Variants in ZNF555 observed in about 807,000 individuals in gnomAD.
ZNF555 encodes the protein zinc finger protein 555.
Under a neutral mutation model 14.0 loss-of-function variants are expected in ZNF555, and 10 were observed. The ratio of observed to expected loss-of-function variants is 0.72; its 90% confidence interval spans 0.44 to 1.21. ZNF555 has a LOEUF of 1.21. ZNF555 is among the 50% of genes most tolerant of loss of function. The probability of loss-of-function intolerance (pLI) is 0.00; values close to 1 mark genes in which losing one functional copy is unlikely to be tolerated. For synonymous variants in ZNF555, 277 were observed against 262.4 expected (o/e 1.06, Z -0.54); for missense variants, 747 against 762.0 (o/e 0.98, Z 0.23).
intron 1 of ZNF555, among the ~76,000 whole-genome samples, chr19:2,848,463 T>A (rs2087601358): frequency 6.6e-6 from 1 of 151,732 alleles, no homozygotes; most frequent in Non-Finnish European, 1.5e-5. Context: ...CCCAGGATTT[T>A]TTTTAGATGA....
chr19:2,851,424 T>C, intron 2 of ZNF555, 44 bp from the exon 3 acceptor site: 2 of 1,507,366 alleles, frequency 1.3e-6, no homozygotes. Flanking sequence ...CGTTTTCCGC[T>C]AACAAGTGCC....
rs1426924709 is a variant in ZNF555, at chr19:2,854,940, A to AGATC, written c.*988_*989insGATC. ...TCTCCCGTTCTGTAGATCTTAACAT[A>AGATC]TTTGCATGGGGTCTAATTTATATAG... is the stretch of plus-strand genomic sequence containing the variant. On this transcript the variant is annotated 3_prime_UTR_variant, in exon 4 of 4. Transcript: ENST00000334241. 1.3e-5 allele frequency: 2 copies of AGATC among 152,106 alleles called. No individual in the cohort carries two copies. Among genetic ancestry groups the AGATC allele is most frequent in the African/African-American group, 4.8e-5 (2 of 41,418 alleles). The allele number at this position is 152,106 out of a possible 1,614,324, so 9.4% of individuals were successfully genotyped here. A position where few individuals can be genotyped will look rare whatever the true frequency, so the allele number is the denominator to read the frequency against.
chr19:2,854,424 A>G lies in ZNF555; in HGVS notation c.*472A>G, dbSNP rs141862079. On this transcript the variant is annotated 3_prime_UTR_variant, in exon 4 of 4. Coordinates refer to ENST00000334241, the MANE Select transcript of ZNF555 (RefSeq NM_152791.5). Reference sequence around the variant, plus strand: ...CTTTGCTTGTGATTGTGAATTGGACAGTAGGCTTTGACTTGTGATGTGACG... The same window carrying G: ...CTTTGCTTGTGATTGTGAATTGGACGGTAGGCTTTGACTTGTGATGTGACG... 4.6e-3 allele frequency: 769 copies of G among 168,710 alleles called. 9 individuals are homozygous for G. Among genetic ancestry groups the G allele is most frequent in the African/African-American group, 0.018 (743 of 41,628 alleles). 10.5% of individuals were successfully genotyped at this position (168,710 alleles called of 1,614,324 possible). A position where few individuals can be genotyped will look rare whatever the true frequency, so the allele number is the denominator to read the frequency against.
intron 2 of ZNF555, 122 bp downstream of exon 2, chr19:2,850,835 T>TA: frequency 8.5e-7 from 1 of 1,183,414 alleles, no homozygotes; most frequent in South Asian, 1.4e-5. Flanking sequence ...AAGACAGACA[T>TA]AGTCACAGCT....
At chr19:2,841,601 C>A in intron 1 of ZNF555, 26 bp downstream of exon 1, 2 of 1,515,680 alleles carry the variant, frequency 1.3e-6, no homozygotes, top group Non-Finnish European at 1.8e-6. Context: ...GAGAGGATCC[C>A]GGTGCGGGGC....
chr19:2,854,065 G>T lies in ZNF555; in HGVS notation c.*113G>T. On this transcript the variant is annotated 3_prime_UTR_variant, in exon 4 of 4. Transcript: ENST00000334241. ...ACTCTCAGCTATCCTACATGAATTT[G>T]AACAGGTAGTTTCTTACGATTCAGT... 1 of 1,319,032 alleles carries T rather than the reference G, an allele frequency of 7.6e-7. No individual in the cohort carries two copies. The highest frequency in any genetic ancestry group is 1.4e-5 in the South Asian group (1 of 70,056). 81.7% of individuals were successfully genotyped at this position (1,319,032 alleles called of 1,614,324 possible). A position where few individuals can be genotyped will look rare whatever the true frequency, so the allele number is the denominator to read the frequency against.
In ZNF555 at chr19:2,852,583, A is replaced by T. The variant is rs2087640764; in HGVS notation, c.518A>T (p.Gln173Leu). Residue 173 changes from glutamine (Q) to leucine (L), a missense_variant, in exon 4 of 4, where the codon CAG (glutamine) becomes CTG (leucine). Gln to Leu is a moderately radical substitution (Grantham distance 113). Coordinates refer to ENST00000334241, the MANE Select transcript of ZNF555 (RefSeq NM_152791.5). ...GTTCACACTGGACACAAACCATATC[A>T]GTGCCAGGAATGTGGGCAGGCCTAC... is the stretch of plus-strand genomic sequence containing the variant. ...ITVHTGHKPY[Q>L]CQECGQAYSC... 2.5e-6 allele frequency: 4 copies of T among 1,614,188 alleles called. No homozygotes were observed. The African/African-American group carries it at 4.0e-5, about 16-fold the overall frequency.
Position 2,859,634 on chromosome 19 carries a change from T to C in ZNF555, c.*5682T>C, listed in dbSNP as rs1319061084. On this transcript the variant is annotated 3_prime_UTR_variant, in exon 4 of 4. Coordinates refer to ENST00000334241, the MANE Select transcript of ZNF555 (RefSeq NM_152791.5). The stretch of plus-strand genomic sequence containing the variant: ...AGGGGCTACAGCATCATCACTCTTG[T>C]CCTGTCGCAGACTCAGGCTCCCTGT... 6.6e-6 allele frequency: 1 copy of C among 152,282 alleles called. No individual in the cohort carries two copies. Among genetic ancestry groups the C allele is most frequent in the Non-Finnish European group, 1.5e-5 (1 of 68,112 alleles). The allele number at this position is 152,282 out of a possible 1,614,324, so 9.4% of individuals were successfully genotyped here. A position where few individuals can be genotyped will look rare whatever the true frequency, so the allele number is the denominator to read the frequency against.
rs939110601 is a variant in ZNF555, at chr19:2,860,113, C to G, written c.*6161C>G. On this transcript the variant is annotated 3_prime_UTR_variant, in exon 4 of 4. Coordinates refer to ENST00000334241, the MANE Select transcript of ZNF555 (RefSeq NM_152791.5). ...GATGGACTTAAGGGGTGCAGAGGGCCTGGACTATGTGTGTCTGTGGGATAG... is the reference window on the plus strand; with the variant it reads ...GATGGACTTAAGGGGTGCAGAGGGCGTGGACTATGTGTGTCTGTGGGATAG... 1 of 152,252 alleles carries G rather than the reference C, an allele frequency of 6.6e-6. No homozygotes were observed. Among genetic ancestry groups the G allele is most frequent in the African/African-American group, 2.4e-5 (1 of 41,452 alleles). The allele number at this position is 152,252 out of a possible 1,614,324, so 9.4% of individuals were successfully genotyped here.
intron 1 of ZNF555, among the ~76,000 whole-genome samples, chr19:2,843,160 TTC>T (rs2087552925): frequency 6.6e-6 from 1 of 152,202 alleles, no homozygotes; most frequent in Non-Finnish European, 1.5e-5. Context: ...ATCTGTTATT[TTC>T]TGTTTTCTTT....
Position 2,852,819 on chromosome 19 carries a change from G to A in ZNF555, c.754G>A (p.Gly252Arg), listed in dbSNP as rs202170795. 30 of 1,614,160 alleles carry A rather than the reference G, an allele frequency of 1.9e-5. No individual in the cohort carries two copies. Among genetic ancestry groups the A allele is most frequent in the South Asian group, 7.7e-5 (7 of 91,076 alleles). ...TACTAGTCATCTCAGAAGTCACACC[G>A]GAGAGAAGCCATATAAGTGTAAGGA... ...SLTSHLRSHT[G>R]EKPYKCKECG... is the part of the protein sequence containing the mutation. Residue 252 changes from glycine to arginine, a missense_variant, in exon 4 of 4, where the codon GGA (glycine) becomes AGA (arginine). By Grantham distance (125) the Gly-to-Arg change is moderately radical. Coordinates refer to ENST00000334241, the MANE Select transcript of ZNF555 (RefSeq NM_152791.5).
At position 2,853,170 on chromosome 19, in the gene ZNF555, G is replaced by A. The variant is rs190919658; in HGVS notation, c.1105G>A (p.Glu369Lys). 12 of 1,613,898 alleles carry A rather than the reference G, an allele frequency of 7.4e-6. No homozygotes were observed. The highest frequency in any genetic ancestry group is 2.2e-5 in the East Asian group (1 of 44,854). Residue 369 changes from glutamate to lysine, a missense_variant, in exon 4 of 4, where the codon GAA (glutamate) becomes AAA (lysine). Coordinates refer to ENST00000334241, the MANE Select transcript of ZNF555 (RefSeq NM_152791.5). ...GATTCACACTGGAGAGAAACCCTAC[G>A]AATGCAAACAGTGTGGGAAGACCTT... Reference protein sequence around the residue: ...ERIHTGEKPYECKQCGKTFIY... With the variant: ...ERIHTGEKPYKCKQCGKTFIY...
Position 2,849,260 on chromosome 19 carries a change from A to G in ZNF555, c.4-1327A>G, listed in dbSNP as rs144291776. Among the ~76,000 whole-genome samples, 237 of 152,198 alleles carry G rather than the reference A, an allele frequency of 1.6e-3. 2 individuals carry two copies. Among genetic ancestry groups the G allele is most frequent in the African/African-American group, 5.5e-3 (229 of 41,534 alleles). ...TCGGGGGTTCCATGCACCTGTGCCC[A>G]ATATGCAATATGGAAATAATGAGAA... On this transcript the variant is annotated intron_variant, in intron 1 of 3. Transcript: ENST00000334241.
intron 1 of ZNF555, among the ~76,000 whole-genome samples, chr19:2,845,867 A>G (rs1198854538): frequency 2.0e-5 from 3 of 152,168 alleles, no homozygotes; most frequent in East Asian, 1.9e-4. Flanking sequence ...CAGTAAGTCA[A>G]ACTTAGACCT....
Position 2,853,992 on chromosome 19 carries a change from G to A in ZNF555, c.*40G>A. The stretch of plus-strand genomic sequence containing the variant: ...AAGTGGACACTCAAGGAGTGTGTCT[G>A]TAGTTCATTTGCAAATAAACATTTA... On this transcript the variant is annotated 3_prime_UTR_variant, in exon 4 of 4. Transcript: ENST00000334241. 6.2e-7 allele frequency: 1 copy of A among 1,600,620 alleles called. No homozygotes were observed. Among genetic ancestry groups the A allele is most frequent in the Admixed American group, 1.8e-5 (1 of 56,934 alleles).
intron 2 of ZNF555, 147 bp from the exon 3 acceptor site, chr19:2,851,321 T>G: frequency 3.6e-6 from 2 of 562,370 alleles, no homozygotes; most frequent in East Asian, 3.3e-5. Flanking sequence ...TAATAATTTT[T>G]CTATGCTTAC....
intron 1 of ZNF555, among the ~76,000 whole-genome samples, chr19:2,849,562 G>T (rs568109337): frequency 1.4e-5 from 2 of 146,294 alleles, no homozygotes; most frequent in Admixed American, 1.4e-4. Flanking sequence ...TTGATGCATT[G>T]CAACCTCTGC....
At chr19:2,850,741 C>A in intron 2 of ZNF555, 28 bp downstream of exon 2, 1 of 1,610,504 alleles carries the variant, frequency 6.2e-7, no homozygotes, top group Non-Finnish European at 8.5e-7. Flanking sequence ...CCTTCCTTCA[C>A]GTAGTTATTG....
At position 2,858,355 on chromosome 19, in the gene ZNF555, A is replaced by G. The variant is rs2317032; in HGVS notation, c.*4403A>G. On this transcript the variant is annotated 3_prime_UTR_variant, in exon 4 of 4. Coordinates refer to ENST00000334241, the MANE Select transcript of ZNF555 (RefSeq NM_152791.5). ...CTCACGCACATAACAGGAGAGAAGA[A>G]GGAGGTCTTCCAGAATCTGTCTTTG... is the stretch of plus-strand genomic sequence containing the variant. 120,887 of 152,060 alleles carry G rather than the reference A, an allele frequency of 0.79. 49,035 individuals are homozygous for G. Among genetic ancestry groups the G allele is most frequent in the East Asian group, 1 (5,175 of 5,178 alleles). 9.4% of individuals were successfully genotyped at this position (152,060 alleles called of 1,614,324 possible).
Sources: gnomAD v4.1 joint callset for allele counts (sites outside exome capture counted in the v4.1 genomes callset) on GRCh38, gnomAD v4.1.1 for gene constraint, MANE v1.5 for transcripts, NCBI Gene and HGNC (gene_info 2026-07-23, HGNC 2026-07-21) for gene names.